Variants in CADPS2 observed in about 807,000 individuals in gnomAD.
The protein encoded by CADPS2 is calcium dependent secretion activator 2.
A neutral mutation model predicts 172.5 loss-of-function variants in CADPS2; 93 were observed. The observed-to-expected ratio is 0.54, with a 90% CI of 0.46 to 0.64. The LOEUF (loss-of-function observed/expected upper bound fraction) is 0.64. Ranked by LOEUF, CADPS2 falls within the 30% of genes least tolerant of loss-of-function variation. CADPS2 has a pLI of 0.00. For missense variants in CADPS2, 1,420 were observed against 1,565.9 expected, an observed-to-expected ratio of 0.91 and a Z score of 1.57; for synonymous variants, 546 against 555.2, an observed-to-expected ratio of 0.98 and a Z score of 0.23.
intron 8 of CADPS2, among the ~76,000 whole-genome samples, chr7:122,540,355 C>A (rs28572499): frequency 0.012 from 1,775 of 152,012 alleles, 35 homozygotes; most frequent in African/African-American, 0.04. Context: ...CTGTGAATTC[C>A]ATTTTTCAAG....
intron 27 of CADPS2, among the ~76,000 whole-genome samples, chr7:122,352,478 A>G (rs2038815479): frequency 6.6e-6 from 1 of 152,200 alleles, no homozygotes; most frequent in Non-Finnish European, 1.5e-5. Flanking sequence ...CAGCTCATGG[A>G]TTTATCTTAC....
chr7:122,471,661 T>G, intron 13 of CADPS2, 99 bp from the exon 14 acceptor site: 1 of 916,796 alleles, frequency 1.1e-6, no homozygotes, highest in South Asian at 1.9e-5. Context: ...AGAAGCTGCA[T>G]GAAAGTATCT....
At chr7:122,835,885 T>C (rs1311553108) in intron 1 of CADPS2, among the ~76,000 whole-genome samples, 2 of 152,104 alleles carry the variant, frequency 1.3e-5, no homozygotes, top group African/African-American at 2.4e-5. Flanking sequence ...ACTTCCCCAA[T>C]CTAGCAAGGC....
chr7:122,791,084 T>C (rs1305939720), intron 1 of CADPS2, among the ~76,000 whole-genome samples: 2 of 152,182 alleles, frequency 1.3e-5, no homozygotes, highest in African/African-American at 4.8e-5. Context: ...TTGTGGGCCA[T>C]GCTGACTACC....
chr7:122,329,592 T>C (rs899181373), intron 28 of CADPS2, among the ~76,000 whole-genome samples: 1 of 152,216 alleles, frequency 6.6e-6, no homozygotes, highest in African/African-American at 2.4e-5. Context: ...TGTTAACTAG[T>C]GGAAATACAA....
chr7:122,690,970 C>T (rs1008586814), intron 2 of CADPS2, among the ~76,000 whole-genome samples: 2 of 152,040 alleles, frequency 1.3e-5, no homozygotes, highest in African/African-American at 4.8e-5. Context: ...AGTGAAGGTG[C>T]AGATTCTAGG....
chr7:122,487,259 C>A (rs532930653), intron 11 of CADPS2, among the ~76,000 whole-genome samples: 12 of 152,094 alleles, frequency 7.9e-5, no homozygotes, highest in Non-Finnish European at 1.2e-4. Flanking sequence ...ATCCCCCCCA[C>A]CTCGACCTCC....
chr7:122,456,956 A>T (rs2053861018), intron 14 of CADPS2, among the ~76,000 whole-genome samples: 1 of 152,218 alleles, frequency 6.6e-6, no homozygotes, highest in Non-Finnish European at 1.5e-5. Context: ...TTTTATATAC[A>T]TTGAACATCC....
At chr7:122,615,399 T>A in intron 5 of CADPS2, 100 bp from the exon 6 acceptor site, 2 of 730,284 alleles carry the variant, frequency 2.7e-6, no homozygotes, top group Admixed American at 7.4e-5. Flanking sequence ...TTGACAAAAC[T>A]GAAAAAAAAT....
intron 1 of CADPS2, among the ~76,000 whole-genome samples, chr7:122,753,385 T>C (rs1407555247): frequency 6.6e-6 from 1 of 152,192 alleles, no homozygotes; most frequent in Non-Finnish European, 1.5e-5. Flanking sequence ...AAGCAATAAC[T>C]GCCTCAACTT....
chr7:122,765,639 T>C (rs2093525434), intron 1 of CADPS2, among the ~76,000 whole-genome samples: 1 of 152,162 alleles, frequency 6.6e-6, no homozygotes. Context: ...TAACATGTCC[T>C]CTATATAGAG....
intron 1 of CADPS2, among the ~76,000 whole-genome samples, chr7:122,870,611 T>C (rs1003907835): frequency 6.6e-6 from 1 of 151,974 alleles, no homozygotes; most frequent in African/African-American, 2.4e-5. Context: ...TCAAAATTGG[T>C]ACACAAATAG....
intron 9 of CADPS2, among the ~76,000 whole-genome samples, chr7:122,491,680 T>C (rs1177758346): frequency 6.6e-6 from 1 of 152,156 alleles, no homozygotes; most frequent in Non-Finnish European, 1.5e-5. Flanking sequence ...TCTATATTAA[T>C]AGAAGCACCA....
intron 14 of CADPS2, among the ~76,000 whole-genome samples, chr7:122,458,070 A>G (rs1454207250): frequency 6.6e-6 from 1 of 152,218 alleles, no homozygotes; most frequent in African/African-American, 2.4e-5. Flanking sequence ...CTTTTGAGTT[A>G]CTTATAGGCT....
intron 2 of CADPS2, among the ~76,000 whole-genome samples, chr7:122,714,206 T>G (rs2136831983): frequency 6.6e-6 from 1 of 152,244 alleles, no homozygotes; most frequent in South Asian, 2.1e-4. Context: ...AAGGTTATAC[T>G]AACAGATTAC....
intron 2 of CADPS2, chr7:122,698,650 G>T (rs751695080): frequency 3.1e-6 from 5 of 1,614,004 alleles, no homozygotes; most frequent in Middle Eastern, 1.6e-4. Context: ...GCTGAAAATG[G>T]TATTGGGATT....
At chr7:122,336,491 A>G (rs1415192694) in intron 28 of CADPS2, among the ~76,000 whole-genome samples, 6 of 152,234 alleles carry the variant, frequency 3.9e-5, no homozygotes, top group Non-Finnish European at 7.3e-5. Flanking sequence ...GCAAGCATGC[A>G]AAGTCACAGG....
At chr7:122,516,184 T>C (rs2060361679) in intron 8 of CADPS2, among the ~76,000 whole-genome samples, 1 of 152,154 alleles carries the variant, frequency 6.6e-6, no homozygotes, top group Non-Finnish European at 1.5e-5. Context: ...AGTATCCCTA[T>C]CTAGCTGCTA....
intron 6 of CADPS2, among the ~76,000 whole-genome samples, chr7:122,607,718 C>A (rs1236322211): frequency 6.6e-6 from 1 of 152,100 alleles, no homozygotes; most frequent in African/African-American, 2.4e-5. Context: ...AATAAATTCT[C>A]AATGAATGTA....
Sources: allele counts gnomAD v4.1 joint callset (sites outside exome capture counted in the v4.1 genomes callset), GRCh38; gene constraint gnomAD v4.1.1; transcripts MANE v1.5; gene names NCBI Gene and HGNC (gene_info 2026-07-23, HGNC 2026-07-21).